NCOA2: variants seen among roughly 807,000 people sequenced by gnomAD.
The protein encoded by NCOA2 is nuclear receptor coactivator 2, also known as class E basic helix-loop-helix protein 75.
In NCOA2, 21 loss-of-function variants were observed where a neutral mutation model predicts 145.1. The observed-to-expected ratio is 0.14, with a 90% CI of 0.10 to 0.21. The LOEUF (loss-of-function observed/expected upper bound fraction) is 0.21, where lower values mean the gene tolerates loss of function less well. NCOA2 is among the 10% of genes least tolerant of loss of function. The pLI, the probability that NCOA2 is intolerant of heterozygous loss-of-function variation, is 1.00. For synonymous variants in NCOA2, 619 were observed against 637.5 expected, an observed-to-expected ratio of 0.97 and a Z score of 0.44; for missense variants, 1,472 against 1,837.6, an observed-to-expected ratio of 0.80 and a Z score of 3.64.
intron 1 of NCOA2, among the ~76,000 whole-genome samples, chr8:70,347,074 AG>A (rs563435529): frequency 9.6e-4 from 147 of 152,376 alleles, no homozygotes; most frequent in African/African-American, 3.3e-3. Context: ...CTATGGATTA[AG>A]GAACAAACTA....
intron 2 of NCOA2, among the ~76,000 whole-genome samples, chr8:70,293,170 T>G (rs1257467342): frequency 6.6e-6 from 1 of 152,200 alleles, no homozygotes; most frequent in Non-Finnish European, 1.5e-5. Flanking sequence ...TATATTTCAG[T>G]ATTCTCAATT....
Position 70,216,711 on chromosome 8 carries a change from G to T in NCOA2, c.35C>A (p.Ser12Tyr), listed in dbSNP as rs778430475. The change falls in exon 3 of 23, where the codon TCC (serine) becomes TAC (tyrosine). Residue 12 changes from serine (S) to tyrosine (Y), a missense_variant. Transcript: ENST00000452400. The stretch of plus-strand genomic sequence containing the variant: ...CTTGCGCTTTCTTGTCTCTGCCCTG[G>T]AGGGGTCAGAGGTATTTTCTCCCAT... Reference protein sequence around the residue: ...SGMGENTSDPSRAETRKRKEC... With the variant: ...SGMGENTSDPYRAETRKRKEC... The T allele has an allele frequency of 1.2e-6, 2 of 1,613,724 alleles. No individual in the cohort carries two copies. The highest frequency in any genetic ancestry group is 2.7e-5 in the African/African-American group (2 of 75,036).
At chr8:70,441,306 GAGAA>G in the NCOA2 span, among the ~76,000 whole-genome samples, 1 of 133,650 alleles carries the variant, frequency 7.5e-6, no homozygotes, top group Non-Finnish European at 1.6e-5. Context: ...AGAAAGAAAA[GAGAA>G]AGAGGAAAGG....
intron 4 of NCOA2, among the ~76,000 whole-genome samples, chr8:70,189,267 G>A (rs1816411840): frequency 6.6e-6 from 1 of 152,170 alleles, no homozygotes; most frequent in Non-Finnish European, 1.5e-5. Context: ...TCTTGGTTCA[G>A]CAGATGCCAT....
At chr8:70,255,396 G>C (rs949006371) in intron 2 of NCOA2, among the ~76,000 whole-genome samples, 4 of 152,174 alleles carry the variant, frequency 2.6e-5, no homozygotes, top group Non-Finnish European at 5.9e-5. Flanking sequence ...TTTCAGAAAT[G>C]AAAGAATAAT....
the NCOA2 span, among the ~76,000 whole-genome samples, chr8:70,444,120 G>GTCCT: frequency 3.5e-4 from 53 of 152,328 alleles, no homozygotes; most frequent in South Asian, 7.0e-3. Flanking sequence ...TAATCCAAAT[G>GTCCT]TCCTTCAATG....
intron 12 of NCOA2, among the ~76,000 whole-genome samples, chr8:70,147,785 A>T (rs1811267367): frequency 6.6e-6 from 1 of 152,202 alleles, no homozygotes; most frequent in Admixed American, 6.5e-5. Flanking sequence ...TCATGTAAAA[A>T]TACTTTTAGT....
intron 1 of NCOA2, among the ~76,000 whole-genome samples, chr8:70,300,286 T>A (rs771570886): frequency 1.3e-5 from 2 of 152,304 alleles, no homozygotes; most frequent in African/African-American, 4.8e-5. Flanking sequence ...AATGGGTGCA[T>A]TTTATGGTCT....
At chr8:70,387,122 T>C (rs778681902) in intron 1 of NCOA2, among the ~76,000 whole-genome samples, 2 of 152,190 alleles carry the variant, frequency 1.3e-5, no homozygotes, top group Non-Finnish European at 2.9e-5. Flanking sequence ...TTTTAAATCA[T>C]ACAAATGTCC....
chr8:70,129,127 C>T lies in NCOA2; in HGVS notation c.3325-147G>A. On this transcript the variant is annotated intron_variant, in intron 16 of 22. Transcript: ENST00000452400. ...TTACTACACAAAGGTACCTTTAGAGCTTGACTCCACTTGTCTTTCTAGAAA... is the reference window on the plus strand; with the variant it reads ...TTACTACACAAAGGTACCTTTAGAGTTTGACTCCACTTGTCTTTCTAGAAA... 3 of 783,794 alleles carry T rather than the reference C, an allele frequency of 3.8e-6. No individual in the cohort carries two copies. In the East Asian group the frequency reaches 8.1e-5, roughly 21 times the overall value. 48.6% of individuals were successfully genotyped at this position (783,794 alleles called of 1,614,324 possible).
intron 4 of NCOA2, among the ~76,000 whole-genome samples, chr8:70,186,182 G>A (rs1010678431): frequency 2.6e-5 from 4 of 152,000 alleles, no homozygotes; most frequent in Admixed American, 2.6e-4. Context: ...TTATAATCCT[G>A]GGTCTCAGTT....
At chr8:70,358,049 G>T (rs928505599) in intron 1 of NCOA2, among the ~76,000 whole-genome samples, 4 of 150,980 alleles carry the variant, frequency 2.6e-5, no homozygotes, top group African/African-American at 9.8e-5. Context: ...AGACTCAGTC[G>T]CAAAAAAAAC....
intron 4 of NCOA2, among the ~76,000 whole-genome samples, chr8:70,183,622 T>G (rs1329989513): frequency 1.3e-5 from 2 of 152,182 alleles, no homozygotes; most frequent in Non-Finnish European, 2.9e-5. Flanking sequence ...ATTTTGAGCA[T>G]TCTCTCAGAT....
In NCOA2 at chr8:70,156,844, A is replaced by G. The variant is rs764681211; in HGVS notation, c.1521T>C (p.Phe507=). ...GGGAATGCAAGCTTCCTGCAGGGGA[A>G]AACTGACTGGGTGGGATTCGAGGGC... ...AGSPRIPPSQ[F]SPAGSLHSPV... is the part of the protein sequence containing the mutation. The change falls in exon 11 of 23, where the codon TTT becomes TTC. Residue 507 remains phenylalanine, a synonymous_variant. Coordinates refer to ENST00000452400, the MANE Select transcript of NCOA2 (RefSeq NM_006540.4). 1.2e-6 allele frequency: 2 copies of G among 1,614,032 alleles called. No homozygotes were observed. The highest frequency in any genetic ancestry group is 2.2e-5 in the South Asian group (2 of 91,080).
chr8:70,184,555 T>C (rs1020742269), intron 4 of NCOA2, among the ~76,000 whole-genome samples: 5 of 152,098 alleles, frequency 3.3e-5, no homozygotes, highest in Non-Finnish European at 5.9e-5. Context: ...GCTTTATAGG[T>C]GGCTTTATAA....
Position 70,113,617 on chromosome 8 carries a change from C to T in NCOA2, c.*15G>A, listed in dbSNP as rs1806743853. ...TGAGCCCGGTCAGCTGAAGAAGCAA[C>T]TGGCTTCAGCAGTGTCAGCAATATT... On this transcript the variant is annotated 3_prime_UTR_variant, in exon 23 of 23. Coordinates refer to ENST00000452400, the MANE Select transcript of NCOA2 (RefSeq NM_006540.4). 1.9e-6 allele frequency: 3 copies of T among 1,551,948 alleles called. No homozygotes were observed. In the East Asian group the frequency reaches 7.3e-5, roughly 38 times the overall value.
At chr8:70,166,126 G>C (rs1425147599) in intron 7 of NCOA2, among the ~76,000 whole-genome samples, 1 of 152,174 alleles carries the variant, frequency 6.6e-6, no homozygotes, top group Non-Finnish European at 1.5e-5. Context: ...CAGGAAAACT[G>C]TGCATTTTTC....
At chr8:70,417,060 C>A in the NCOA2 span, among the ~76,000 whole-genome samples, 1 of 151,774 alleles carries the variant, frequency 6.6e-6, no homozygotes, top group Admixed American at 6.6e-5. Flanking sequence ...AATAAGGAAA[C>A]AATTACAGCC....
intron 2 of NCOA2, among the ~76,000 whole-genome samples, chr8:70,269,528 A>G (rs1157199536): frequency 6.6e-6 from 1 of 152,194 alleles, no homozygotes; most frequent in Non-Finnish European, 1.5e-5. Context: ...GGGAGTGCAA[A>G]CTTTTTTCTA....
Sources: allele counts gnomAD v4.1 joint callset (sites outside exome capture counted in the v4.1 genomes callset), GRCh38; gene constraint gnomAD v4.1.1; transcripts MANE v1.5; gene names NCBI Gene and HGNC (gene_info 2026-07-23, HGNC 2026-07-21).